The following POU6F2 variants were observed in gnomAD, a reference collection of about 807,000 sequenced individuals.
POU6F2 encodes the protein POU class 6 homeobox 2, also known as POU domain, class 6, transcription factor 2.
POU6F2 carries 31 observed loss-of-function variants against 71.3 expected under a neutral mutation model. The observed-to-expected ratio is 0.43, with a 90% CI of 0.33 to 0.59. The LOEUF (loss-of-function observed/expected upper bound fraction) is 0.59. POU6F2 is among the 20% of genes least tolerant of loss of function. The pLI is 0.04. For missense variants in POU6F2, 783 were observed against 856.8 expected (o/e 0.91, Z 1.07); for synonymous variants, 347 against 355.7 (o/e 0.98, Z 0.27).
rs1790393722 is a variant in POU6F2 at position 39,051,191 on chromosome 7, C to T, written c.106-34669C>T. ...TATTTTGAATTTTCATGCAAATGAA[C>T]CTCAGATCATTGCTTAGAGTGAGTC... On this transcript the variant is annotated intron_variant, in intron 1 of 9. Coordinates refer to ENST00000518318, the MANE Select transcript of POU6F2 (RefSeq NM_001370959.1). Among the ~76,000 whole-genome samples the T allele has an allele frequency of 2.0e-5, 3 of 152,134 alleles. No homozygotes were observed. In the South Asian group the frequency reaches 6.2e-4, roughly 32 times the overall value.
chr7:39,208,161 G>C (rs1300011396), intron 4 of POU6F2, among the ~76,000 whole-genome samples: 2 of 152,148 alleles, frequency 1.3e-5, no homozygotes, highest in Non-Finnish European at 2.9e-5. Context: ...AAATAGACTT[G>C]TATGTTGAGC....
intron 2 of POU6F2, chr7:39,132,697 A>C (rs1172881683): frequency 6.6e-6 from 1 of 152,204 alleles, no homozygotes; most frequent in African/African-American, 2.4e-5. Flanking sequence ...ACAAAAATAG[A>C]GTTCAGAGTA....
At chr7:39,319,713 A>G (rs1562788978) in intron 4 of POU6F2, among the ~76,000 whole-genome samples, 1 of 152,144 alleles carries the variant, frequency 6.6e-6, no homozygotes, top group Non-Finnish European at 1.5e-5. Flanking sequence ...GCATTTTCCA[A>G]CAAGAGGCCA....
rs372016838 is a variant in POU6F2, at chr7:39,114,576, G to A, written c.277+28545G>A. On this transcript the variant is annotated intron_variant, in intron 2 of 9. Transcript: ENST00000518318. ...ATCACCACTTGAAGTTAATAAAAAGGTGATTTTTTTTTCTGGGTAAAAAAG... is the reference window on the plus strand; with the variant it reads ...ATCACCACTTGAAGTTAATAAAAAGATGATTTTTTTTTCTGGGTAAAAAAG... 3.3e-5 allele frequency among the ~76,000 whole-genome samples: 5 copies of A among 151,804 alleles called. No individual in the cohort carries two copies. In the East Asian group the frequency reaches 7.7e-4, roughly 23 times the overall value.
chr7:39,350,967 C>T (rs558170420), intron 5 of POU6F2, among the ~76,000 whole-genome samples: 5 of 152,334 alleles, frequency 3.3e-5, no homozygotes, highest in African/African-American at 7.2e-5. Flanking sequence ...GTTGGCTGTA[C>T]GCTGGGAACA....
Position 39,205,495 on chromosome 7 carries a change from G to T in POU6F2, c.369+1169G>T, listed in dbSNP as rs537057985. On this transcript the variant is annotated intron_variant, in intron 3 of 9. Coordinates refer to ENST00000518318, the MANE Select transcript of POU6F2 (RefSeq NM_001370959.1). The stretch of plus-strand genomic sequence containing the variant: ...AGCCCACAAATCCTATTTTTAAAAT[G>T]CTGCAGGCCAAAACCCCCAAATCTA... Among the ~76,000 whole-genome samples the T allele has an allele frequency of 1.1e-4, 16 of 152,140 alleles. No individual in the cohort carries two copies. In the East Asian group the frequency reaches 3.1e-3, roughly 29 times the overall value.
chr7:39,142,953 A>G (rs1050289375), intron 2 of POU6F2, among the ~76,000 whole-genome samples: 7 of 152,364 alleles, frequency 4.6e-5, no homozygotes, highest in Admixed American at 4.6e-4. Flanking sequence ...TTTGCTAACT[A>G]AACAGTTTTT....
intron 2 of POU6F2, among the ~76,000 whole-genome samples, chr7:39,171,327 TA>T (rs1208133571): frequency 1.3e-5 from 2 of 152,304 alleles, no homozygotes; most frequent in Admixed American, 1.3e-4. Flanking sequence ...CAAGTTCTGC[TA>T]TAAAATTATT....
rs117560991 is a variant in POU6F2 at position 39,043,533 on chromosome 7, A to G, written c.106-42327A>G. 1.4e-3 allele frequency among the ~76,000 whole-genome samples: 220 copies of G among 152,108 alleles called. 1 individual carries two copies. Among genetic ancestry groups the G allele is most frequent in the Non-Finnish European group, 1.8e-3 (125 of 67,940 alleles). On this transcript the variant is annotated intron_variant, in intron 1 of 9. Coordinates refer to ENST00000518318, the MANE Select transcript of POU6F2 (RefSeq NM_001370959.1). ...AAAATTGCATGTGTTGTCAATGGCT[A>G]CAGTGTAATTTTATTGATTTACAAT...
At chr7:39,209,704 A>G (rs182221577) in intron 4 of POU6F2, among the ~76,000 whole-genome samples, 212 of 152,298 alleles carry the variant, frequency 1.4e-3, no homozygotes, top group African/African-American at 4.6e-3. Context: ...CTTGTAATCA[A>G]TCCACCAGCA....
intron 5 of POU6F2, among the ~76,000 whole-genome samples, chr7:39,388,832 ATTT>A (rs1319316744): frequency 6.6e-6 from 1 of 152,170 alleles, no homozygotes; most frequent in African/African-American, 2.4e-5. Context: ...GAGATAACCT[ATTT>A]TTTAATGTAT....
At chr7:39,286,810 T>C (rs188645282) in intron 4 of POU6F2, among the ~76,000 whole-genome samples, 209 of 152,252 alleles carry the variant, frequency 1.4e-3, no homozygotes, top group African/African-American at 4.6e-3. Context: ...TCTCCCAGAC[T>C]GGAGTACAGT....
chr7:39,110,803 G>T (rs1208343407), intron 2 of POU6F2, among the ~76,000 whole-genome samples: 1 of 152,074 alleles, frequency 6.6e-6, no homozygotes, highest in Non-Finnish European at 1.5e-5. Context: ...TTATCTTGTT[G>T]ACATAAATGA....
chr7:39,251,489 A>G (rs1783914707), intron 4 of POU6F2, among the ~76,000 whole-genome samples: 1 of 152,202 alleles, frequency 6.6e-6, no homozygotes, highest in Non-Finnish European at 1.5e-5. Context: ...TGTTCTTTAT[A>G]GGAAACTAAA....
chr7:39,447,013 G>A (rs757897800), intron 7 of POU6F2, among the ~76,000 whole-genome samples: 1 of 152,150 alleles, frequency 6.6e-6, no homozygotes, highest in Non-Finnish European at 1.5e-5. Context: ...AAGTTTGGGG[G>A]TAGTACAGAT....
In POU6F2 at chr7:39,175,238, C is replaced by T. The variant is rs556511317; in HGVS notation, c.278-28997C>T. Among the ~76,000 whole-genome samples the T allele has an allele frequency of 2.8e-4, 43 of 152,304 alleles. 2 individuals carry two copies. Among genetic ancestry groups the T allele is most frequent in the Admixed American group, 3.9e-4 (6 of 15,296 alleles). On this transcript the variant is annotated intron_variant, in intron 2 of 9. Coordinates refer to ENST00000518318, the MANE Select transcript of POU6F2 (RefSeq NM_001370959.1). ...TCCACTCCATACTTTAACTCCAAGT[C>T]TTTCTTCTGACTTCCAACCCATACT...
chr7:39,154,674 T>G (rs1792829110), intron 2 of POU6F2, among the ~76,000 whole-genome samples: 1 of 152,194 alleles, frequency 6.6e-6, no homozygotes, highest in Non-Finnish European at 1.5e-5. Context: ...TTCATGCTCT[T>G]CTTTTGTATA....
At chr7:39,323,698 T>TAA in intron 4 of POU6F2, among the ~76,000 whole-genome samples, 1 of 152,220 alleles carries the variant, frequency 6.6e-6, no homozygotes, top group African/African-American at 2.4e-5. Flanking sequence ...CTATCTGTGT[T>TAA]TTACAAAGAT....
chr7:39,219,493 A>G (rs958533159), intron 4 of POU6F2, among the ~76,000 whole-genome samples: 1 of 152,186 alleles, frequency 6.6e-6, no homozygotes, highest in African/African-American at 2.4e-5. Context: ...AAATGGCACC[A>G]TTATGTTTAG....
Sources: gnomAD v4.1 joint callset for allele counts (sites outside exome capture counted in the v4.1 genomes callset) on GRCh38, gnomAD v4.1.1 for gene constraint, MANE v1.5 for transcripts, NCBI Gene and HGNC (gene_info 2026-07-23, HGNC 2026-07-21) for gene names.